Variants in CSMD1 observed in about 807,000 individuals in gnomAD.
CSMD1 encodes CUB and sushi domain-containing protein 1.
In CSMD1, 213 loss-of-function variants were observed where a neutral mutation model predicts 417.5. The ratio of observed to expected loss-of-function variants is 0.51; its 90% CI spans 0.46 to 0.57. The LOEUF is 0.57. Ranked by LOEUF, CSMD1 falls within the 20% of genes least tolerant of loss-of-function variation. The pLI, the probability that CSMD1 is intolerant of heterozygous loss-of-function variation, is 0.00. For missense variants in CSMD1, 6,923 were observed against 4,529.7 expected (o/e 1.53, Z -15.17); for synonymous variants, 2,862 against 1,736.8 (o/e 1.65, Z -16.11).
intron 5 of CSMD1, among the ~76,000 whole-genome samples, chr8:3,767,187 G>T (rs1439285215): frequency 1.3e-5 from 2 of 152,324 alleles, no homozygotes; most frequent in African/African-American, 4.8e-5. Flanking sequence ...CGCTGCCATC[G>T]TAGAAAGCAA....
intron 3 of CSMD1, among the ~76,000 whole-genome samples, chr8:4,283,441 A>C (rs890765946): frequency 2.0e-5 from 3 of 152,226 alleles, no homozygotes; most frequent in African/African-American, 7.2e-5. Flanking sequence ...CAGGATTTCC[A>C]AATGCAAATT....
intron 5 of CSMD1, among the ~76,000 whole-genome samples, chr8:3,937,888 CTT>C (rs1333555210): frequency 6.6e-6 from 1 of 152,076 alleles, no homozygotes; most frequent in Non-Finnish European, 1.5e-5. Flanking sequence ...ACACAAGAAA[CTT>C]TATGATTTAA....
chr8:3,284,201 G>T lies in CSMD1; in HGVS notation c.4096C>A (p.Leu1366Met), dbSNP rs58993422. The T allele has an allele frequency of 6.2e-6, 10 of 1,607,050 alleles. No individual in the cohort carries two copies. The highest frequency in any genetic ancestry group is 8.5e-6 in the Non-Finnish European group (10 of 1,176,978). ...DIHSTFNSLT[L>M]QFDSDFFISK... ...ATGAAGAAGTCGCTGTCGAACTGCA[G>T]GGTGAGTGAGTTGAAGGTGCTGTGG... is the stretch of plus-strand genomic sequence containing the variant. The change falls in exon 26 of 70, where the codon CTG (leucine) becomes ATG (methionine). Residue 1366 changes from leucine (L) to methionine (M), a missense_variant. Leu to Met is a conservative substitution (Grantham distance 15, BLOSUM62 2). Transcript: ENST00000635120.
At chr8:2,967,244 A>G (rs1029916275) in intron 57 of CSMD1, among the ~76,000 whole-genome samples, 3 of 152,206 alleles carry the variant, frequency 2.0e-5, no homozygotes, top group Non-Finnish European at 2.9e-5. Flanking sequence ...TGGAAAATAA[A>G]GAATGCCTCA....
At chr8:4,978,743 G>C (rs1201167046) in intron 1 of CSMD1, among the ~76,000 whole-genome samples, 1 of 152,098 alleles carries the variant, frequency 6.6e-6, no homozygotes, top group Non-Finnish European at 1.5e-5. Context: ...TTCGAGACCA[G>C]CCTGGCCAAC....
intron 5 of CSMD1, among the ~76,000 whole-genome samples, chr8:3,900,352 TGGTTGAC>T: frequency 6.6e-6 from 1 of 151,118 alleles, no homozygotes; most frequent in South Asian, 2.1e-4. Context: ...ACAGTGTAGC[TGGTTGAC>T]AGCACAGCTG....
rs189918474 is a variant in CSMD1 at position 4,209,717 on chromosome 8, T to C, written c.416-177618A>G. Reference sequence around the variant, plus strand: ...GTGTCACACAGCAACTTTTATTGACTGAAGCAGCACCAGATGTCCTGCTCC... The same window carrying C: ...GTGTCACACAGCAACTTTTATTGACCGAAGCAGCACCAGATGTCCTGCTCC... On this transcript the variant is annotated intron_variant, in intron 3 of 69. Coordinates refer to ENST00000635120, the MANE Select transcript of CSMD1 (RefSeq NM_033225.6). Among the ~76,000 whole-genome samples the C allele has an allele frequency of 1.6e-3, 248 of 152,296 alleles. 2 individuals carry two copies. Among genetic ancestry groups the C allele is most frequent in the Non-Finnish European group, 2.6e-3 (177 of 68,026 alleles).
chr8:4,812,866 A>T (rs917463932), intron 1 of CSMD1, among the ~76,000 whole-genome samples: 1 of 152,172 alleles, frequency 6.6e-6, no homozygotes, highest in Non-Finnish European at 1.5e-5. Flanking sequence ...TGTTATCGCT[A>T]TGTTTTATTA....
intron 5 of CSMD1, among the ~76,000 whole-genome samples, chr8:3,850,717 T>TA (rs1213506698): frequency 2.6e-5 from 4 of 151,368 alleles, no homozygotes; most frequent in Admixed American, 6.6e-5. Flanking sequence ...TAAATAAACA[T>TA]AAAAAAATAA....
At chr8:3,876,368 T>C (rs1301192713) in intron 5 of CSMD1, among the ~76,000 whole-genome samples, 1 of 152,180 alleles carries the variant, frequency 6.6e-6, no homozygotes, top group Non-Finnish European at 1.5e-5. Context: ...TATAGTGTTG[T>C]CCTAGAGTAC....
intron 3 of CSMD1, among the ~76,000 whole-genome samples, chr8:4,398,164 G>C (rs1456969510): frequency 6.6e-6 from 1 of 152,088 alleles, no homozygotes; most frequent in Non-Finnish European, 1.5e-5. Flanking sequence ...ACAATGACAA[G>C]TTTCCTGACA....
At chr8:3,849,064 T>A (rs1205779561) in intron 5 of CSMD1, among the ~76,000 whole-genome samples, 1 of 152,046 alleles carries the variant, frequency 6.6e-6, no homozygotes, top group Non-Finnish European at 1.5e-5. Context: ...TGGCCCTCAA[T>A]ATACAAGATT....
At chr8:4,542,157 T>C (rs939234434) in intron 2 of CSMD1, among the ~76,000 whole-genome samples, 3 of 152,202 alleles carry the variant, frequency 2.0e-5, no homozygotes, top group Non-Finnish European at 2.9e-5. Context: ...TGAATCCACA[T>C]TCTTAGAACT....
chr8:3,310,849 C>T (rs376305510), intron 23 of CSMD1, among the ~76,000 whole-genome samples: 1 of 151,694 alleles, frequency 6.6e-6, no homozygotes, highest in South Asian at 2.1e-4. Flanking sequence ...GTGACCCGAA[C>T]TTCTCGTTTT....
At chr8:3,027,024 G>C (rs886562044) in intron 51 of CSMD1, among the ~76,000 whole-genome samples, 2 of 151,984 alleles carry the variant, frequency 1.3e-5, no homozygotes, top group African/African-American at 4.8e-5. Context: ...TAAACAAAAA[G>C]TCACACACTA....
chr8:3,411,967 C>T (rs371329563), intron 12 of CSMD1, among the ~76,000 whole-genome samples: 952 of 2,496 alleles, frequency 0.38, 224 homozygotes, highest in Middle Eastern at 1. Flanking sequence ...CGTATATATG[C>T]ACGTATATAT....
intron 3 of CSMD1, among the ~76,000 whole-genome samples, chr8:4,038,679 C>T (rs1024205992): frequency 6.6e-6 from 1 of 152,186 alleles, no homozygotes; most frequent in Non-Finnish European, 1.5e-5. Context: ...GAGCCATTTA[C>T]ACTCCTTCCC....
At chr8:4,168,478 A>G (rs539057482) in intron 3 of CSMD1, among the ~76,000 whole-genome samples, 1 of 152,094 alleles carries the variant, frequency 6.6e-6, no homozygotes, top group African/African-American at 2.4e-5. Flanking sequence ...GGGATGTGGT[A>G]AAAGTAGAAA....
At chr8:4,580,527 G>A (rs1799362802) in intron 2 of CSMD1, among the ~76,000 whole-genome samples, 1 of 152,174 alleles carries the variant, frequency 6.6e-6, no homozygotes, top group South Asian at 2.1e-4. Flanking sequence ...GGGCCGTCGG[G>A]TTCCCAGCTT....
Sources: allele counts gnomAD v4.1 joint callset (sites outside exome capture counted in the v4.1 genomes callset), GRCh38; gene constraint gnomAD v4.1.1; transcripts MANE v1.5; gene names NCBI Gene and HGNC (gene_info 2026-07-23, HGNC 2026-07-21).